WDR70: variants seen among roughly 807,000 people sequenced by gnomAD.
WDR70 encodes the protein WD repeat domain 70.
Under a neutral mutation model 88.6 loss-of-function variants are expected in WDR70, and 53 were observed. The ratio of observed to expected loss-of-function variants is 0.60; its 90% CI spans 0.48 to 0.75. WDR70 has a LOEUF of 0.75. Among genes scored for constraint, WDR70 ranks in the 30% least tolerant of loss-of-function variants. The pLI is 0.00. For missense variants in WDR70, 610 were observed against 823.2 expected (o/e 0.74, Z 3.17); for synonymous variants, 280 against 270.0 (o/e 1.04, Z -0.36).
At chr5:37,557,957 A>ACTCTTTTGAGAACTCTTCAAAAGAGTAC in intron 9 of WDR70, among the ~76,000 whole-genome samples, 1 of 139,252 alleles carries the variant, frequency 7.2e-6, no homozygotes. Flanking sequence ...TCAAAAGAGT[A>ACTCTTTTGAGAACTCTTCAAAAGAGTAC]TTATGTATAT....
At chr5:37,541,572 T>A (rs1347836800) in intron 9 of WDR70, among the ~76,000 whole-genome samples, 1 of 152,160 alleles carries the variant, frequency 6.6e-6, no homozygotes, top group Non-Finnish European at 1.5e-5. Context: ...AGAAAAATAA[T>A]GTTTTTTTTC....
At chr5:37,485,858 A>ATGTTTTTTTTT (rs1739848569) in intron 8 of WDR70, among the ~76,000 whole-genome samples, 1 of 108,290 alleles carries the variant, frequency 9.2e-6, no homozygotes, top group Non-Finnish European at 1.8e-5. Context: ...TGCCTGGCTA[A>ATGTTTTTTTTT]TTTTTTTTTT....
chr5:37,710,408 G>T (rs1747474716), intron 13 of WDR70, among the ~76,000 whole-genome samples: 1 of 151,964 alleles, frequency 6.6e-6, no homozygotes, highest in South Asian at 2.1e-4. Flanking sequence ...TCACTGATGT[G>T]TTCTCCATAA....
intron 9 of WDR70, among the ~76,000 whole-genome samples, chr5:37,593,594 G>C (rs572120477): frequency 2.0e-5 from 3 of 152,306 alleles, no homozygotes; most frequent in Non-Finnish European, 4.4e-5. Context: ...ATTGTGAATA[G>C]TGCCACAATA....
intron 5 of WDR70, among the ~76,000 whole-genome samples, chr5:37,402,293 T>TGTG (rs1749219669): frequency 8.2e-5 from 2 of 24,500 alleles, no homozygotes. Context: ...CAGATAGTAT[T>TGTG]TGTGTGTGTG....
At chr5:37,550,044 T>A (rs989870705) in intron 9 of WDR70, among the ~76,000 whole-genome samples, 12 of 152,152 alleles carry the variant, frequency 7.9e-5, no homozygotes, top group Non-Finnish European at 1.6e-4. Context: ...GCATTTTTTT[T>A]AGTGGAGATG....
At chr5:37,685,277 A>C (rs934036034) in intron 10 of WDR70, among the ~76,000 whole-genome samples, 3 of 151,972 alleles carry the variant, frequency 2.0e-5, no homozygotes, top group Non-Finnish European at 4.4e-5. Flanking sequence ...GGAAGGCAAA[A>C]TCCACTCATG....
chr5:37,723,094 C>G, intron 15 of WDR70, 160 bp downstream of exon 15: 3 of 745,984 alleles, frequency 4.0e-6, no homozygotes, highest in Non-Finnish European at 6.6e-6. Flanking sequence ...AACAGCTAAC[C>G]TCTGTGGCTT....
chr5:37,390,272 C>G (rs1581243406), intron 3 of WDR70, among the ~76,000 whole-genome samples: 1 of 149,426 alleles, frequency 6.7e-6, no homozygotes, highest in African/African-American at 2.5e-5. Context: ...ATAGTGAAAG[C>G]AAGTTTATTA....
At chr5:37,573,231 A>G (rs1299585527) in intron 9 of WDR70, among the ~76,000 whole-genome samples, 1 of 152,070 alleles carries the variant, frequency 6.6e-6, no homozygotes, top group East Asian at 1.9e-4. Context: ...TAAAGGCTTT[A>G]CTCCTACAGT....
chr5:37,655,101 T>C (rs1745514267), intron 10 of WDR70, among the ~76,000 whole-genome samples: 1 of 152,200 alleles, frequency 6.6e-6, no homozygotes, highest in Non-Finnish European at 1.5e-5. Context: ...TTCCTTTCTG[T>C]ATTTATTCTT....
At chr5:37,535,553 T>TA (rs1741640398) in intron 9 of WDR70, among the ~76,000 whole-genome samples, 1 of 152,148 alleles carries the variant, frequency 6.6e-6, no homozygotes, top group Non-Finnish European at 1.5e-5. Flanking sequence ...AATTAAAATT[T>TA]AAAAAATTGA....
intron 13 of WDR70, among the ~76,000 whole-genome samples, chr5:37,710,617 G>A (rs1313243793): frequency 1.3e-5 from 2 of 151,962 alleles, no homozygotes; most frequent in Non-Finnish European, 2.9e-5. Context: ...ACATTTTAAT[G>A]CAACAATATA....
At chr5:37,574,644 C>G (rs572775531) in intron 9 of WDR70, among the ~76,000 whole-genome samples, 14 of 152,154 alleles carry the variant, frequency 9.2e-5, no homozygotes, top group Non-Finnish European at 2.1e-4. Context: ...GATCTAATAG[C>G]CTGCTGGTTA....
intron 9 of WDR70, among the ~76,000 whole-genome samples, chr5:37,571,676 TAGAC>T (rs1316527086): frequency 6.6e-6 from 1 of 152,158 alleles, no homozygotes; most frequent in Non-Finnish European, 1.5e-5. Context: ...AATAGATAGA[TAGAC>T]AGATAGATGC....
intron 9 of WDR70, among the ~76,000 whole-genome samples, chr5:37,538,932 G>A (rs969385283): frequency 1.3e-5 from 2 of 152,174 alleles, no homozygotes; most frequent in African/African-American, 2.4e-5. Context: ...AATTGTAATA[G>A]TGTACCAAGT....
chr5:37,590,563 A>T (rs78237832), intron 9 of WDR70, among the ~76,000 whole-genome samples: 1 of 152,104 alleles, frequency 6.6e-6, no homozygotes, highest in Non-Finnish European at 1.5e-5. Flanking sequence ...TTGAGATGAG[A>T]TCATCCTGGA....
intron 8 of WDR70, among the ~76,000 whole-genome samples, chr5:37,480,325 G>A (rs1739623634): frequency 6.6e-6 from 1 of 152,002 alleles, no homozygotes; most frequent in Non-Finnish European, 1.5e-5. Context: ...CTTGCCACAT[G>A]TCTAGTTTGG....
At chr5:37,663,714 C>T (rs1321154987) in intron 10 of WDR70, among the ~76,000 whole-genome samples, 3 of 152,122 alleles carry the variant, frequency 2.0e-5, no homozygotes, top group African/African-American at 4.8e-5. Flanking sequence ...TTGTATGTAT[C>T]TCTGTGCGCA....
Sources: allele counts gnomAD v4.1 joint callset (sites outside exome capture counted in the v4.1 genomes callset), GRCh38; gene constraint gnomAD v4.1.1; transcripts MANE v1.5; gene names NCBI Gene and HGNC (gene_info 2026-07-23, HGNC 2026-07-21).